TMEM45A: variants seen among roughly 807,000 people sequenced by gnomAD.
TMEM45A encodes transmembrane protein 45A.
In TMEM45A, 25 loss-of-function variants were observed where a neutral mutation model predicts 32.0. The ratio of observed to expected loss-of-function variants is 0.78; its 90% CI spans 0.57 to 1.09. The LOEUF (loss-of-function observed/expected upper bound fraction) is 1.09, where lower values mean the gene tolerates loss of function less well. TMEM45A is among the 50% of genes least tolerant of loss of function. The probability of loss-of-function intolerance (pLI) is 0.00; values close to 1 mark genes in which losing one functional copy is unlikely to be tolerated. For synonymous variants in TMEM45A, 122 were observed against 114.8 expected, an observed-to-expected ratio of 1.06 and a Z score of -0.40; for missense variants, 302 against 325.0, an observed-to-expected ratio of 0.93 and a Z score of 0.54.
chr3:100,562,370 A>G (rs1010030557), intron 4 of TMEM45A, among the ~76,000 whole-genome samples: 2 of 152,216 alleles, frequency 1.3e-5, no homozygotes, highest in African/African-American at 2.4e-5. Context: ...TGTTTGGCCT[A>G]GAATGACTAT....
chr3:100,559,179 A>C (rs1236832395), intron 4 of TMEM45A, among the ~76,000 whole-genome samples: 1 of 152,210 alleles, frequency 6.6e-6, no homozygotes, highest in Non-Finnish European at 1.5e-5. Flanking sequence ...TGAATTGTTG[A>C]AAACATGAAT....
chr3:100,550,409 T>A (rs1706072295), intron 1 of TMEM45A, among the ~76,000 whole-genome samples: 1 of 152,190 alleles, frequency 6.6e-6, no homozygotes, highest in African/African-American at 2.4e-5. Context: ...ATTTGAGTAT[T>A]AAGACAAACA....
intron 4 of TMEM45A, among the ~76,000 whole-genome samples, chr3:100,567,335 T>C (rs1706463048): frequency 6.6e-6 from 1 of 152,024 alleles, no homozygotes; most frequent in Non-Finnish European, 1.5e-5. Context: ...AGTTTATTTC[T>C]GGACTCTCAA....
chr3:100,521,328 C>T (rs1435854615), intron 1 of TMEM45A, among the ~76,000 whole-genome samples: 1 of 151,802 alleles, frequency 6.6e-6, no homozygotes, highest in Admixed American at 6.6e-5. Flanking sequence ...AATCTTGGCT[C>T]ACCGCAACCT....
At chr3:100,561,416 G>A (rs947265258) in intron 4 of TMEM45A, among the ~76,000 whole-genome samples, 4 of 152,094 alleles carry the variant, frequency 2.6e-5, no homozygotes, top group Non-Finnish European at 4.4e-5. Context: ...CCGTAAGTAT[G>A]GAGATGTGAA....
In TMEM45A at chr3:100,498,226, C is replaced by T. The variant is rs561961108; in HGVS notation, c.-4+5298C>T. On this transcript the variant is annotated intron_variant, in intron 1 of 5. Transcript: ENST00000323523. ...CCTAAGCCTCCCCAGCCATGTGGAA[C>T]TGTGAGTCAATTAAACCTCTTTCTT... 2.3e-4 allele frequency among the ~76,000 whole-genome samples: 35 copies of T among 152,330 alleles called. 1 individual carries two copies. In the South Asian group the frequency reaches 7.3e-3, roughly 32 times the overall value.
chr3:100,542,121 G>T (rs1262619390), intron 1 of TMEM45A, among the ~76,000 whole-genome samples: 2 of 152,144 alleles, frequency 1.3e-5, no homozygotes, highest in Non-Finnish European at 2.9e-5. Context: ...GCTTAGGATT[G>T]CTTTGGCTAT....
intron 1 of TMEM45A, among the ~76,000 whole-genome samples, chr3:100,547,439 A>G (rs908799307): frequency 6.6e-6 from 1 of 152,174 alleles, no homozygotes; most frequent in South Asian, 2.1e-4. Context: ...TATTCTTACA[A>G]TAAAGTAAGC....
At chr3:100,557,080 A>G (rs7631877) in intron 3 of TMEM45A, 108 bp downstream of exon 3, 538,697 of 1,218,780 alleles carry the variant, frequency 0.44, 124,710 homozygotes, top group African/African-American at 0.76. Flanking sequence ...GATTGATAGG[A>G]CCATATATCT....
intron 1 of TMEM45A, among the ~76,000 whole-genome samples, chr3:100,542,427 A>C (rs1705902732): frequency 6.6e-6 from 1 of 152,230 alleles, no homozygotes; most frequent in African/African-American, 2.4e-5. Context: ...ACCCAAAAGA[A>C]ATTGCAACAA....
chr3:100,517,596 C>T (rs1381668860), intron 1 of TMEM45A, among the ~76,000 whole-genome samples: 2 of 152,150 alleles, frequency 1.3e-5, no homozygotes, highest in Admixed American at 1.3e-4. Flanking sequence ...CAAAGATCAG[C>T]CTTTCATATT....
Position 100,513,062 on chromosome 3 carries a change from A to G in TMEM45A, c.-4+20134A>G, listed in dbSNP as rs2148938738. On this transcript the variant is annotated intron_variant, in intron 1 of 5. Coordinates refer to ENST00000323523, the MANE Select transcript of TMEM45A (RefSeq NM_018004.3). The stretch of plus-strand genomic sequence containing the variant: ...ACCAGAGGTACAAGGAGGAACTGGT[A>G]CCATTCCTTCTGAAACTATTCCAAT... 2.0e-5 allele frequency among the ~76,000 whole-genome samples: 3 copies of G among 149,416 alleles called. No individual in the cohort carries two copies. In the South Asian group the frequency reaches 6.4e-4, roughly 32 times the overall value.
intron 1 of TMEM45A, among the ~76,000 whole-genome samples, chr3:100,527,972 T>A (rs1432996818): frequency 1.3e-5 from 2 of 152,214 alleles, no homozygotes; most frequent in Non-Finnish European, 2.9e-5. Flanking sequence ...TCAATGGAAA[T>A]CCCTTCACGG....
At chr3:100,528,568 C>A (rs1705590867) in intron 1 of TMEM45A, among the ~76,000 whole-genome samples, 1 of 152,060 alleles carries the variant, frequency 6.6e-6, no homozygotes, top group African/African-American at 2.4e-5. Context: ...TTGTTTTTTT[C>A]TGTACAGGAG....
intron 1 of TMEM45A, chr3:100,519,568 C>G: frequency 6.4e-7 from 1 of 1,550,994 alleles, no homozygotes; most frequent in Middle Eastern, 1.7e-4. Flanking sequence ...CCAAGGATGA[C>G]CAATGACTCA....
At chr3:100,496,854 A>G (rs548436806) in intron 1 of TMEM45A, among the ~76,000 whole-genome samples, 15 of 152,336 alleles carry the variant, frequency 9.8e-5, no homozygotes, top group African/African-American at 3.1e-4. Context: ...AAATAGAGAG[A>G]CTATGAAATG....
chr3:100,494,798 G>A (rs1707898612), intron 1 of TMEM45A, among the ~76,000 whole-genome samples: 1 of 152,136 alleles, frequency 6.6e-6, no homozygotes, highest in Non-Finnish European at 1.5e-5. Context: ...CCCTACAACA[G>A]TAACTTACCT....
intron 1 of TMEM45A, among the ~76,000 whole-genome samples, chr3:100,531,399 T>G (rs748443214): frequency 6.6e-6 from 1 of 152,236 alleles, no homozygotes; most frequent in Non-Finnish European, 1.5e-5. Flanking sequence ...TAAGTATATC[T>G]GGATCACCTA....
In TMEM45A at chr3:100,494,489, G is replaced by A. The variant is rs193183688; in HGVS notation, c.-4+1561G>A. On this transcript the variant is annotated intron_variant, in intron 1 of 5. Coordinates refer to ENST00000323523, the MANE Select transcript of TMEM45A (RefSeq NM_018004.3). ...ATACAAAAATTAGCTGGGTGTGGTG[G>A]TGCGCACCTGTAATCCCAGCTACTT... Among the ~76,000 whole-genome samples, 68 of 152,196 alleles carry A rather than the reference G, an allele frequency of 4.5e-4. 3 individuals carry two copies. The East Asian group carries it at 0.013, about 29-fold the overall frequency.
Sources: allele counts gnomAD v4.1 joint callset (sites outside exome capture counted in the v4.1 genomes callset), GRCh38; gene constraint gnomAD v4.1.1; transcripts MANE v1.5; gene names NCBI Gene and HGNC (gene_info 2026-07-23, HGNC 2026-07-21).